Variants in PRCD observed in about 807,000 individuals in gnomAD.
PRCD encodes photoreceptor disc component.
Under a neutral mutation model 10.1 loss-of-function variants are expected in PRCD, and 12 were observed. That is an observed-to-expected ratio of 1.18 (90% CI 0.76 to 1.92). The LOEUF (loss-of-function observed/expected upper bound fraction) is 1.92, where lower values mean the gene tolerates loss of function less well. Ranked by LOEUF, PRCD falls within the 40% of genes most tolerant of loss-of-function variation. PRCD has a pLI of 0.00. For synonymous variants in PRCD, 31 were observed against 26.2 expected, an observed-to-expected ratio of 1.18 and a Z score of -0.56; for missense variants, 61 against 72.2, an observed-to-expected ratio of 0.84 and a Z score of 0.56.
intron 1 of PRCD, among the ~76,000 whole-genome samples, chr17:76,534,304 A>G (rs533654939): frequency 6.6e-6 from 1 of 152,000 alleles, no homozygotes; most frequent in African/African-American, 2.4e-5. Flanking sequence ...AGCCTCACAA[A>G]GTTAGCTGGG....
At position 76,530,048 on chromosome 17, in the gene PRCD, G is replaced by A. The variant is rs1354156637; in HGVS notation, n.45+2215G>A. ...TGTGAACAGAAGGGCCGGCAGTCTT[G>A]GGGGCCCGTGCAGAGCCCGGCGGGA... On this transcript the variant is annotated intron_variant and non_coding_transcript_variant, in intron 1 of 4. Coordinates refer to the PRCD transcript ENST00000397633. This position sits in a 1 kb window ranked among gnomAD's most constrained non-coding sequence, Gnocchi z 6.1. The A allele has an allele frequency of 1.0e-5, 10 of 985,288 alleles. No homozygotes were observed. The highest frequency in any genetic ancestry group is 1.2e-5 in the Non-Finnish European group (10 of 829,926). 61.0% of individuals were successfully genotyped at this position (985,288 alleles called of 1,614,324 possible).
chr17:76,537,355 G>A (rs1303894454), upstream of PRCD: 3 of 1,539,658 alleles, frequency 1.9e-6, no homozygotes, highest in Non-Finnish European at 2.6e-6. Context: ...CGGAGCCGCT[G>A]CCGCCCTCCC....
At position 76,531,205 on chromosome 17, in the gene PRCD, G is replaced by A; in HGVS notation, n.45+3372G>A. On this transcript the variant is annotated intron_variant and non_coding_transcript_variant, in intron 1 of 4. Transcript: ENST00000397633. This position sits in a 1 kb window ranked among gnomAD's most constrained non-coding sequence, Gnocchi z 7.4. ...GCGCCCTGCGTCCTGCAACCCCCAG[G>A]CCCCTCCGCCCCACGTGTGGCCGAG... 9 of 1,516,458 alleles carry A rather than the reference G, an allele frequency of 5.9e-6. No individual in the cohort carries two copies. In the South Asian group the frequency reaches 1.1e-4, roughly 18 times the overall value. The allele number at this position is 1,516,458 out of a possible 1,614,324, so 93.9% of individuals were successfully genotyped here. A position where few individuals can be genotyped will look rare whatever the true frequency, so the allele number is the denominator to read the frequency against.
downstream of PRCD, chr17:76,546,465 T>TGC (rs2075054797): frequency 1.3e-5 from 2 of 150,932 alleles, no homozygotes; most frequent in African/African-American, 5.0e-5. This position sits in a 1 kb window ranked among gnomAD's most constrained non-coding sequence, Gnocchi z 4.5. Context: ...TGTGTGTGTG[T>TGC]GTGTGTGCGC....
chr17:76,538,400 C>T (rs2074947947), upstream of PRCD: 16 of 407,488 alleles, frequency 3.9e-5, no homozygotes, highest in South Asian at 2.8e-4. Context: ...CCTCGGGCGC[C>T]AGAGGCCTGC....
rs760576486 is a variant in PRCD, at chr17:76,540,618, A to C, written c.143+45A>C. 5.0e-6 allele frequency: 8 copies of C among 1,588,164 alleles called. No individual in the cohort carries two copies. The African/African-American group carries it at 6.7e-5, about 13-fold the overall frequency. On this transcript the variant is annotated intron_variant, in intron 2 of 4. Transcript: ENST00000592014. The surrounding 1 kb of genome is among the most constrained non-coding windows in gnomAD (Gnocchi z 5.0). ...TGGGGGAGGGAGGGTGCTGCCAAGG[A>C]AGCTGTGGCTGTGCATGCCTGGGGG...
rs2074980565 is a variant in PRCD, at chr17:76,540,627, C to T, written c.143+54C>T. ...GAGGGTGCTGCCAAGGAAGCTGTGG[C>T]TGTGCATGCCTGGGGGTGCACGTGT... On this transcript the variant is annotated intron_variant, in intron 2 of 4. Coordinates refer to ENST00000592014, the MANE Select transcript of PRCD (RefSeq NM_001077620.3). This position sits in a 1 kb window ranked among gnomAD's most constrained non-coding sequence, Gnocchi z 5.0. 2.6e-6 allele frequency: 4 copies of T among 1,550,932 alleles called. No individual in the cohort carries two copies. In the Admixed American group the frequency reaches 5.1e-5, roughly 20 times the overall value.
rs1433017096 is a variant in PRCD at position 76,544,417 on chromosome 17, G to A, written c.*767G>A. The A allele has an allele frequency of 4.4e-6, 2 of 454,814 alleles. No homozygotes were observed. Among genetic ancestry groups the A allele is most frequent in the African/African-American group, 4.0e-5 (2 of 50,042 alleles). 28.2% of individuals were successfully genotyped at this position (454,814 alleles called of 1,614,324 possible). Reference sequence around the variant, plus strand: ...AGGGAACCGCTGGGGAGGCGCTCAGGGTGGGGGAGGAGGTGCACCCCGCTG... The same window carrying A: ...AGGGAACCGCTGGGGAGGCGCTCAGAGTGGGGGAGGAGGTGCACCCCGCTG... On this transcript the variant is annotated 3_prime_UTR_variant, in exon 5 of 5. Coordinates refer to ENST00000592014, the MANE Select transcript of PRCD (RefSeq NM_001077620.3).
In PRCD at chr17:76,530,155, C is replaced by T; in HGVS notation, n.45+2322C>T. ...TCTCTACCACGCGTGTCCCGGGCTGCTGGCTGACCTCTGCTTCCCATTCCC... is the reference window on the plus strand; with the variant it reads ...TCTCTACCACGCGTGTCCCGGGCTGTTGGCTGACCTCTGCTTCCCATTCCC... On this transcript the variant is annotated intron_variant and non_coding_transcript_variant, in intron 1 of 4. Coordinates refer to the PRCD transcript ENST00000397633. This position sits in a 1 kb window ranked among gnomAD's most constrained non-coding sequence, Gnocchi z 6.1. 9.6e-6 allele frequency: 9 copies of T among 937,394 alleles called. No homozygotes were observed. The highest frequency in any genetic ancestry group is 1.1e-5 in the Non-Finnish European group (9 of 786,108). 58.1% of individuals were successfully genotyped at this position (937,394 alleles called of 1,614,324 possible). A position where few individuals can be genotyped will look rare whatever the true frequency, so the allele number is the denominator to read the frequency against.
At position 76,542,560 on chromosome 17, in the gene PRCD, G is replaced by A; in HGVS notation, c.151G>A (p.Glu51Lys). 1 of 1,614,224 alleles carries A rather than the reference G, an allele frequency of 6.2e-7. No individual in the cohort carries two copies. Among genetic ancestry groups the A allele is most frequent in the Non-Finnish European group, 8.5e-7 (1 of 1,180,038 alleles). Residue 51 changes from glutamate (E) to lysine (K), a missense_variant, in exon 3 of 5, where the codon GAA (glutamate) becomes AAA (lysine). Transcript: ENST00000592014. ...ADPQSSGREK[E>K]PLK is the part of the protein sequence containing the mutation. ...GTGCTTTCCTCTGTTTAGGGAGAAA[G>A]AACCTCTGAAGTAAGCCCTCACCTC... is the stretch of plus-strand genomic sequence containing the variant.
upstream of PRCD, chr17:76,537,415 AC>A: frequency 2.5e-6 from 4 of 1,595,974 alleles, no homozygotes; most frequent in East Asian, 2.4e-5. Flanking sequence ...CAGGATGGCC[AC>A]CCCCACGTCC....
downstream of PRCD, chr17:76,546,956 G>C (rs1598217907): frequency 6.6e-6 from 1 of 152,368 alleles, no homozygotes; most frequent in East Asian, 1.9e-4. The surrounding 1 kb of genome is among the most constrained non-coding windows in gnomAD (Gnocchi z 4.5). Flanking sequence ...GCTTGGGATA[G>C]AGGGGGCCCA....
chr17:76,552,923 A>T (rs1426202559), intron 1 of PRCD: 1 of 143,288 alleles, frequency 7.0e-6, no homozygotes, highest in Non-Finnish European at 1.5e-5. Flanking sequence ...TAAAACATGT[A>T]TATGTGTATA....
chr17:76,547,227 G>A (rs2075060700), downstream of PRCD: 1 of 152,270 alleles, frequency 6.6e-6, no homozygotes, highest in Non-Finnish European at 1.5e-5. Flanking sequence ...GGAAGGATGT[G>A]GTGGCCTCTG....
chr17:76,543,317 G>A (rs1434305720), intron 4 of PRCD, 196 bp downstream of exon 4: 3 of 346,082 alleles, frequency 8.7e-6, no homozygotes, highest in Non-Finnish European at 1.7e-5. Context: ...CTAGGATGAG[G>A]GACTTGCTGG....
At position 76,528,074 on chromosome 17, in the gene PRCD, C is replaced by T. The variant is rs776964968; in HGVS notation, n.45+241C>T. Reference sequence around the variant, plus strand: ...TGCCCCACTCACAGGTGGGCCAAACCGAGGCTTCTGGGCGCCGCGGATACA... The same window carrying T: ...TGCCCCACTCACAGGTGGGCCAAACTGAGGCTTCTGGGCGCCGCGGATACA... On this transcript the variant is annotated intron_variant and non_coding_transcript_variant, in intron 1 of 4. Coordinates refer to the PRCD transcript ENST00000397633. This position sits in a 1 kb window ranked among gnomAD's most constrained non-coding sequence, Gnocchi z 5.8. The T allele has an allele frequency of 2.8e-5, 10 of 360,476 alleles. No homozygotes were observed. Among genetic ancestry groups the T allele is most frequent in the Non-Finnish European group, 5.2e-5 (10 of 192,678 alleles). The allele number at this position is 360,476 out of a possible 1,614,324, so 22.3% of individuals were successfully genotyped here. A position where few individuals can be genotyped will look rare whatever the true frequency, so the allele number is the denominator to read the frequency against.
chr17:76,540,250 TCGGGG>T lies in PRCD; in HGVS notation c.74+36_74+40del. On this transcript the variant is annotated intron_variant, in intron 1 of 4. Coordinates refer to ENST00000592014, the MANE Select transcript of PRCD (RefSeq NM_001077620.3). This position sits in a 1 kb window ranked among gnomAD's most constrained non-coding sequence, Gnocchi z 5.0. ...TGACCGGGCTATGGCTGGCGGTTGG[TCGGGG>T]GGGGGGGGCATGGGGCTGGGCTGCC... The T allele has an allele frequency of 6.5e-5, 30 of 463,668 alleles. 7 individuals carry two copies. Among genetic ancestry groups the T allele is most frequent in the Middle Eastern group, 4.7e-4 (1 of 2,128 alleles). 28.7% of individuals were successfully genotyped at this position (463,668 alleles called of 1,614,324 possible).
chr17:76,536,277 C>T (rs1000985664), upstream of PRCD, among the ~76,000 whole-genome samples: 3 of 152,166 alleles, frequency 2.0e-5, no homozygotes, highest in Non-Finnish European at 4.4e-5. Context: ...GGAGCTGGGT[C>T]GGTCCCAGGC....
At chr17:76,539,127 T>C (rs2074957402), upstream of PRCD, among the ~76,000 whole-genome samples, 3 of 152,094 alleles carry the variant, frequency 2.0e-5, 1 homozygote, top group South Asian at 6.2e-4. Flanking sequence ...TTGGAGGGGC[T>C]GGAGGGGAGC....
Sources: gnomAD v4.1 joint callset for allele counts (sites outside exome capture counted in the v4.1 genomes callset) on GRCh38, gnomAD v4.1.1 for gene constraint, Gnocchi (gnomAD v3.1) non-coding constraint, MANE v1.5 for transcripts, NCBI Gene and HGNC (gene_info 2026-07-23, HGNC 2026-07-21) for gene names.